The following BAHCC1 variants were observed in gnomAD, a reference collection of about 807,000 sequenced individuals.
BAHCC1 encodes the protein BAH domain and coiled-coil containing 1.
Under a neutral mutation model 88.2 loss-of-function variants are expected in BAHCC1, and 43 were observed. The ratio of observed to expected loss-of-function variants is 0.49; its 90% CI spans 0.38 to 0.63. The LOEUF is 0.63. Ranked by LOEUF, BAHCC1 falls within the 20% of genes least tolerant of loss-of-function variation. The pLI is 0.00. For synonymous variants in BAHCC1, 1,510 were observed against 745.5 expected (o/e 2.03, Z -16.71); for missense variants, 3,023 against 1,654.8 (o/e 1.83, Z -14.34).
In BAHCC1 at chr17:81,444,654, C is replaced by T. The variant is rs1240699167; in HGVS notation, c.2513-14C>T. ...AGAGTGCGAGGCCTGACCACTGTGC[C>T]CTCTGCCTCCCAGGCCTGGGGCACC... is the stretch of plus-strand genomic sequence containing the variant. On this transcript the variant is annotated splice_polypyrimidine_tract_variant and intron_variant, in intron 7 of 27. Transcript: ENST00000675386. The T allele has an allele frequency of 1.3e-6, 1 of 769,972 alleles. No individual in the cohort carries two copies. The highest frequency in any genetic ancestry group is 1.7e-5 in the African/African-American group (1 of 59,068). 47.7% of individuals were successfully genotyped at this position (769,972 alleles called of 1,614,324 possible).
intron 2 of BAHCC1, chr17:81,401,904 C>T (rs1379151864): frequency 6.6e-5 from 10 of 152,530 alleles, no homozygotes; most frequent in African/African-American, 2.4e-4. Flanking sequence ...GCCCTTACTT[C>T]CAGGTCTAGG....
chr17:81,462,150 G>A (rs890244612), intron 26 of BAHCC1, 104 bp downstream of exon 26: 1 of 606,938 alleles, frequency 1.6e-6, no homozygotes, highest in Admixed American at 3.0e-5. Flanking sequence ...CTTCCTACTT[G>A]ATTTCAAGTT....
rs1439452005 is a variant in BAHCC1, at chr17:81,443,933, G to C, written c.2324+16G>C. 2 of 708,006 alleles carry C rather than the reference G, an allele frequency of 2.8e-6. No individual in the cohort carries two copies. The highest frequency in any genetic ancestry group is 5.2e-6 in the Non-Finnish European group (2 of 384,652). The allele number at this position is 708,006 out of a possible 1,614,324, so 43.9% of individuals were successfully genotyped here. On this transcript the variant is annotated intron_variant, in intron 6 of 27. Coordinates refer to ENST00000675386, the MANE Select transcript of BAHCC1 (RefSeq NM_001377448.1). ...TGCTGCTGCAGTGAGAGCTGGGCCTGTGGCCCTGGAGAGTGGGGCTAGGCC... is the reference window on the plus strand; with the variant it reads ...TGCTGCTGCAGTGAGAGCTGGGCCTCTGGCCCTGGAGAGTGGGGCTAGGCC...
At chr17:81,398,227 C>A (rs1244513609) in intron 1 of BAHCC1, among the ~76,000 whole-genome samples, 2 of 152,182 alleles carry the variant, frequency 1.3e-5, no homozygotes, top group Non-Finnish European at 2.9e-5. Flanking sequence ...GGAGCGCCTT[C>A]GGAGGGACGC....
intron 2 of BAHCC1, among the ~76,000 whole-genome samples, chr17:81,415,320 G>T (rs2064006203): frequency 6.6e-6 from 1 of 152,246 alleles, no homozygotes; most frequent in Non-Finnish European, 1.5e-5. Flanking sequence ...CTGCCTGGAG[G>T]GGAGTTCCAA....
chr17:81,417,555 A>C (rs868908523), intron 2 of BAHCC1, among the ~76,000 whole-genome samples: 918 of 130,848 alleles, frequency 7.0e-3, no homozygotes, highest in African/African-American at 0.017. Context: ...AGCGTCGGCC[A>C]CCCCCCCCCC....
intron 3 of BAHCC1, among the ~76,000 whole-genome samples, chr17:81,437,355 G>GGGGCTT (rs1308722409): frequency 1.2e-4 from 18 of 152,072 alleles, no homozygotes; most frequent in Admixed American, 3.3e-4. Flanking sequence ...GGCTGGGGCT[G>GGGGCTT]GGCGGGTCTG....
chr17:81,441,874 G>A lies in BAHCC1; in HGVS notation c.525G>A (p.Leu175=). The A allele has an allele frequency of 3.0e-6, 2 of 668,458 alleles. No individual in the cohort carries two copies. Among genetic ancestry groups the A allele is most frequent in the East Asian group, 2.6e-5 (1 of 38,130 alleles). The allele number at this position is 668,458 out of a possible 1,614,324, so 41.4% of individuals were successfully genotyped here. A position where few individuals can be genotyped will look rare whatever the true frequency, so the allele number is the denominator to read the frequency against. ...LRNLPPQPTL[L]PANHNFPSVA... is the part of the protein sequence containing the mutation. ...ACCTGCCGCCCCAGCCCACGCTGCT[G>A]CCGGCCAACCACAACTTCCCCAGCG... Residue 175 remains leucine (L), a synonymous_variant, in exon 5 of 28, where the codon CTG becomes CTA. Transcript: ENST00000675386.
At position 81,451,756 on chromosome 17, in the gene BAHCC1, C is replaced by T. The variant is rs1297480633; in HGVS notation, c.4065C>T (p.Asp1355=). The T allele has an allele frequency of 3.9e-6, 3 of 772,684 alleles. No homozygotes were observed. Among genetic ancestry groups the T allele is most frequent in the East Asian group, 2.4e-5 (1 of 41,218 alleles). 47.9% of individuals were successfully genotyped at this position (772,684 alleles called of 1,614,324 possible). ...CCCTGGTGGAGGCCGCTGGCCTGGA[C>T]AGCTCCACTGCCCCAGCGCAGCCGC... ...AWSLVEAAGL[D]SSTAPAQPPT... is the part of the protein sequence containing the mutation. Residue 1355 remains aspartate (D), a synonymous_variant, in exon 12 of 28, where the codon GAC becomes GAT. Coordinates refer to ENST00000675386, the MANE Select transcript of BAHCC1 (RefSeq NM_001377448.1).
rs1555645735 is a variant in BAHCC1, at chr17:81,399,864, A to G, written c.125A>G (p.His42Arg). Residue 42 changes from histidine to arginine, a missense_variant, in exon 2 of 28, where the codon CAC becomes CGC. Transcript: ENST00000675386. The surrounding 1 kb of genome is among the most constrained non-coding windows in gnomAD (Gnocchi z 4.5). ...GGGCCCGCCGCGCAGCCCCCCGCAC[A>G]CTTCCAGCCGGGAAAGTACTTCCCG... Reference protein sequence around the residue: ...PAGPAAQPPAHFQPGKYFPSP... With the variant: ...PAGPAAQPPARFQPGKYFPSP... 3.5e-6 allele frequency: 5 copies of G among 1,446,240 alleles called. No homozygotes were observed. The highest frequency in any genetic ancestry group is 1.4e-5 in the South Asian group (1 of 73,826). The allele number at this position is 1,446,240 out of a possible 1,614,324, so 89.6% of individuals were successfully genotyped here. A position where few individuals can be genotyped will look rare whatever the true frequency, so the allele number is the denominator to read the frequency against.
chr17:81,399,971 G>C lies in BAHCC1; in HGVS notation c.178+54G>C. The C allele has an allele frequency of 8.0e-7, 1 of 1,253,762 alleles. No individual in the cohort carries two copies. The highest frequency in any genetic ancestry group is 2.3e-5 in the South Asian group (1 of 44,080). 77.7% of individuals were successfully genotyped at this position (1,253,762 alleles called of 1,614,324 possible). On this transcript the variant is annotated intron_variant, in intron 2 of 27. Transcript: ENST00000675386. The surrounding 1 kb of genome is among the most constrained non-coding windows in gnomAD (Gnocchi z 4.5). ...ACGGGAGCGTTCGAGAGCGGAACAG[G>C]GCGCCCACCCCTCCGCTCCCGGGAG...
chr17:81,453,991 C>T (rs2064697209), intron 14 of BAHCC1, among the ~76,000 whole-genome samples: 1 of 152,240 alleles, frequency 6.6e-6, no homozygotes, highest in Non-Finnish European at 1.5e-5. Flanking sequence ...TGGAAAGGGA[C>T]ATCCGGCCAC....
At chr17:81,444,964 G>A (rs1174902109) in intron 8 of BAHCC1, 51 bp from the exon 9 acceptor site, 12 of 695,234 alleles carry the variant, frequency 1.7e-5, no homozygotes, top group African/African-American at 5.3e-5. Context: ...AAGCAGCCCC[G>A]GAGCTGTCCC....
chr17:81,438,289 T>C, intron 3 of BAHCC1, 81 bp from the exon 4 acceptor site: 1 of 754,316 alleles, frequency 1.3e-6, no homozygotes, highest in Admixed American at 1.8e-5. Context: ...GCCTGCCGGC[T>C]TCTTGCCTCC....
At position 81,458,741 on chromosome 17, in the gene BAHCC1, T is replaced by A. The variant is rs782609550; in HGVS notation, c.5448+16T>A. ...CGGCAAGCAGGTAGCAGCCCCCCAC[T>A]CTGGGAGCCCACTGTGCACCCACCT... On this transcript the variant is annotated intron_variant, in intron 19 of 27. Transcript: ENST00000675386. 1 of 740,116 alleles carries A rather than the reference T, an allele frequency of 1.4e-6. No homozygotes were observed. Among genetic ancestry groups the A allele is most frequent in the East Asian group, 2.6e-5 (1 of 39,092 alleles). 45.8% of individuals were successfully genotyped at this position (740,116 alleles called of 1,614,324 possible).
chr17:81,403,871 CCT>C (rs1292358309), intron 2 of BAHCC1, among the ~76,000 whole-genome samples: 6 of 152,342 alleles, frequency 3.9e-5, no homozygotes, highest in Middle Eastern at 3.4e-3. Flanking sequence ...CCGCCGAAGC[CCT>C]GTTTGGAATG....
intron 2 of BAHCC1, among the ~76,000 whole-genome samples, chr17:81,413,568 A>G (rs2063983020): frequency 1.3e-5 from 2 of 152,220 alleles, no homozygotes; most frequent in African/African-American, 2.4e-5. Flanking sequence ...CAGGTGCAGT[A>G]TCGTCTCAGC....
chr17:81,419,412 G>A (rs2064085061), intron 2 of BAHCC1, among the ~76,000 whole-genome samples: 1 of 152,254 alleles, frequency 6.6e-6, no homozygotes, highest in South Asian at 2.1e-4. Flanking sequence ...TGTGGGGCAG[G>A]GCCAGCAGGG....
intron 2 of BAHCC1, among the ~76,000 whole-genome samples, chr17:81,419,504 C>T (rs893382802): frequency 8.5e-5 from 13 of 152,226 alleles, no homozygotes; most frequent in Non-Finnish European, 7.4e-5. Flanking sequence ...TGCTTGGGAC[C>T]GCCCATCACT....
Sources: gnomAD v4.1 joint callset for allele counts (sites outside exome capture counted in the v4.1 genomes callset) on GRCh38, gnomAD v4.1.1 for gene constraint, Gnocchi (gnomAD v3.1) non-coding constraint, MANE v1.5 for transcripts, NCBI Gene and HGNC (gene_info 2026-07-23, HGNC 2026-07-21) for gene names.